The following SAMD12 variants were observed in gnomAD, a reference collection of about 807,000 sequenced individuals.
The protein encoded by SAMD12 is sterile alpha motif domain containing 12, also known as sterile alpha motif domain-containing protein 12.
In SAMD12, 9 loss-of-function variants were observed where a neutral mutation model predicts 15.0. The observed-to-expected ratio is 0.60, with a 90% CI of 0.36 to 1.05. The LOEUF is 1.05. SAMD12 is among the 50% of genes least tolerant of loss of function. The pLI is 0.01. For missense variants in SAMD12, 230 were observed against 234.2 expected (o/e 0.98, Z 0.12); for synonymous variants, 86 against 90.1 (o/e 0.96, Z 0.25).
intron 2 of SAMD12, among the ~76,000 whole-genome samples, chr8:118,547,325 T>A (rs1284356204): frequency 1.3e-5 from 2 of 152,186 alleles, no homozygotes; most frequent in African/African-American, 2.4e-5. Context: ...AAATCAAGAA[T>A]GACTTCAGTG....
intron 2 of SAMD12, among the ~76,000 whole-genome samples, chr8:118,502,652 A>T (rs1384540426): frequency 6.6e-6 from 1 of 152,248 alleles, no homozygotes; most frequent in African/African-American, 2.4e-5. Context: ...GTAAAATTAA[A>T]TTCAAAGCAA....
At chr8:118,560,424 T>A (rs895938077) in intron 2 of SAMD12, among the ~76,000 whole-genome samples, 3 of 152,206 alleles carry the variant, frequency 2.0e-5, no homozygotes, top group African/African-American at 7.2e-5. Flanking sequence ...AATACTTCTA[T>A]ACTACCCTTC....
chr8:118,447,436 G>A (rs1822947417), intron 2 of SAMD12, among the ~76,000 whole-genome samples: 1 of 151,866 alleles, frequency 6.6e-6, no homozygotes. Context: ...CTGAGTAGCT[G>A]GGATTACAGG....
intron 4 of SAMD12, among the ~76,000 whole-genome samples, chr8:118,221,805 T>C (rs17507599): frequency 0.026 from 3,943 of 152,354 alleles, 171 homozygotes; most frequent in African/African-American, 0.089. Flanking sequence ...TTGCGGCAAT[T>C]GTCAGAGTTG....
intron 2 of SAMD12, among the ~76,000 whole-genome samples, chr8:118,449,350 C>T (rs113404267): frequency 0.024 from 3,643 of 151,716 alleles, 128 homozygotes; most frequent in African/African-American, 0.083. Flanking sequence ...TGTGAGCCAC[C>T]GCACCAGCCT....
chr8:118,231,407 A>C (rs1208833163), intron 4 of SAMD12, among the ~76,000 whole-genome samples: 1 of 152,142 alleles, frequency 6.6e-6, no homozygotes, highest in Non-Finnish European at 1.5e-5. Flanking sequence ...GATTTCCAAT[A>C]ATTCATTCAT....
At chr8:118,413,862 ATTAC>A (rs1821551560) in intron 3 of SAMD12, among the ~76,000 whole-genome samples, 1 of 149,002 alleles carries the variant, frequency 6.7e-6, no homozygotes, top group African/African-American at 2.5e-5. Flanking sequence ...AGTCATTTCT[ATTAC>A]TTCAAATTTG....
At chr8:118,396,728 C>T (rs1314279722) in intron 3 of SAMD12, among the ~76,000 whole-genome samples, 2 of 152,210 alleles carry the variant, frequency 1.3e-5, no homozygotes, top group Non-Finnish European at 2.9e-5. Flanking sequence ...GTTCAGCATT[C>T]ATTTAATAAA....
intron 3 of SAMD12, among the ~76,000 whole-genome samples, chr8:118,392,784 C>G (rs528187962): frequency 6.6e-6 from 1 of 152,166 alleles, no homozygotes; most frequent in Non-Finnish European, 1.5e-5. Flanking sequence ...ACCTTATGCA[C>G]TGCAGGATGC....
intron 4 of SAMD12, among the ~76,000 whole-genome samples, chr8:118,260,383 C>G (rs371579482): frequency 1.3e-5 from 2 of 152,152 alleles, no homozygotes; most frequent in East Asian, 3.9e-4. Context: ...TATCTGGGCT[C>G]TTATGTTATT....
chr8:118,334,797 A>C (rs1333128110), intron 4 of SAMD12, among the ~76,000 whole-genome samples: 1 of 152,006 alleles, frequency 6.6e-6, no homozygotes, highest in African/African-American at 2.4e-5. Context: ...GGGATTCACC[A>C]TGTTGCCCAG....
chr8:118,206,183 G>C (rs1485554927), intron 4 of SAMD12, among the ~76,000 whole-genome samples: 1 of 152,174 alleles, frequency 6.6e-6, no homozygotes, highest in Non-Finnish European at 1.5e-5. Flanking sequence ...AGAATGTCCA[G>C]GGGAGGACTA....
At chr8:118,459,386 TATCAC>T (rs35400069) in intron 2 of SAMD12, among the ~76,000 whole-genome samples, 18,889 of 152,110 alleles carry the variant, frequency 0.12, 1,287 homozygotes, top group African/African-American at 0.17. Context: ...ATTTCTAATC[TATCAC>T]ATTAACTTTG....
chr8:118,136,132 T>A, the SAMD12 span, among the ~76,000 whole-genome samples: 1 of 152,186 alleles, frequency 6.6e-6, no homozygotes, highest in African/African-American at 2.4e-5. Flanking sequence ...TGGGTTCAAG[T>A]AATTCTCCTG....
In SAMD12 at chr8:118,298,430, T is replaced by A. The variant is rs540144784; in HGVS notation, c.433+81130A>T. On this transcript the variant is annotated intron_variant, in intron 4 of 4. Transcript: ENST00000409003. ...AATCTGTAATATTTAAGAATTTTTT[T>A]TAAAAAGATGTGAAAGAGACTGGCT... 4.5e-4 allele frequency among the ~76,000 whole-genome samples: 68 copies of A among 152,312 alleles called. 1 individual carries two copies. Among genetic ancestry groups the A allele is most frequent in the African/African-American group, 1.5e-3 (63 of 41,574 alleles).
intron 3 of SAMD12, among the ~76,000 whole-genome samples, chr8:118,392,916 T>C (rs1249151514): frequency 1.3e-5 from 2 of 152,118 alleles, no homozygotes; most frequent in Non-Finnish European, 2.9e-5. Flanking sequence ...CTACCCCTGG[T>C]TGAGAACCAT....
At chr8:118,186,236 T>C (rs1351569197), downstream of SAMD12, among the ~76,000 whole-genome samples, 1 of 152,200 alleles carries the variant, frequency 6.6e-6, no homozygotes, top group Non-Finnish European at 1.5e-5. Flanking sequence ...AACCCCAACA[T>C]CTGGGAATAA....
chr8:118,357,341 G>A (rs756669157), intron 4 of SAMD12, among the ~76,000 whole-genome samples: 3 of 152,120 alleles, frequency 2.0e-5, no homozygotes, highest in African/African-American at 4.8e-5. Flanking sequence ...GGGCTCAAGC[G>A]ATTCTTGTGC....
intron 4 of SAMD12, among the ~76,000 whole-genome samples, chr8:118,204,060 T>G (rs1328515604): frequency 6.7e-6 from 1 of 150,138 alleles, no homozygotes; most frequent in Non-Finnish European, 1.5e-5. Context: ...ACTCCCCTCT[T>G]CTTCTCATCA....
Sources: gnomAD v4.1 joint callset for allele counts (sites outside exome capture counted in the v4.1 genomes callset) on GRCh38, gnomAD v4.1.1 for gene constraint, MANE v1.5 for transcripts, NCBI Gene and HGNC (gene_info 2026-07-23, HGNC 2026-07-21) for gene names.